Variants in RARS1 observed in about 807,000 individuals in gnomAD.
RARS1 encodes arginine--tRNA ligase, cytoplasmic.
Under a neutral mutation model 78.7 loss-of-function variants are expected in RARS1, and 75 were observed. That is an observed-to-expected ratio of 0.95 (90% CI 0.79 to 1.15). The LOEUF (loss-of-function observed/expected upper bound fraction) is 1.15, where lower values mean the gene tolerates loss of function less well. RARS1 is among the 50% of genes most tolerant of loss of function. RARS1 has a pLI of 0.00. For missense variants in RARS1, 787 were observed against 787.5 expected, an observed-to-expected ratio of 1.00 and a Z score of 0.01; for synonymous variants, 273 against 268.2, an observed-to-expected ratio of 1.02 and a Z score of -0.18.
At chr5:168,504,057 T>C (rs952738188) in intron 9 of RARS1, among the ~76,000 whole-genome samples, 1 of 114,902 alleles carries the variant, frequency 8.7e-6, no homozygotes, top group Non-Finnish European at 1.7e-5. Context: ...TGAGGCCCTG[T>C]CTCTGAAAAA....
chr5:168,486,521 G>C lies in RARS1; in HGVS notation c.23G>C (p.Cys8Ser). 1.3e-6 allele frequency: 2 copies of C among 1,558,876 alleles called. No individual in the cohort carries two copies. The highest frequency in any genetic ancestry group is 1.4e-5 in the African/African-American group (1 of 74,052). Residue 8 changes from cysteine (C) to serine (S), a missense_variant, in exon 1 of 15, where the codon TGC becomes TCC. Physicochemically the swap from Cys to Ser is moderately radical, Grantham distance 112. Transcript: ENST00000231572. ...AGGATGGACGTACTGGTGTCTGAGTGCTCCGCGCGGCTGCTGCAGCAGGTT... is the reference window on the plus strand; with the variant it reads ...AGGATGGACGTACTGGTGTCTGAGTCCTCCGCGCGGCTGCTGCAGCAGGTT... MDVLVSE[C>S]SARLLQQEEE...
At chr5:168,504,157 GGATCACTT>G (rs1426468292) in intron 9 of RARS1, among the ~76,000 whole-genome samples, 2 of 151,970 alleles carry the variant, frequency 1.3e-5, no homozygotes, top group East Asian at 3.9e-4. Flanking sequence ...TGAGGTGGGA[GGATCACTT>G]GAGTCCAGGA....
rs1344780369 is a variant in RARS1 at position 168,506,048 on chromosome 5, A to C, written c.1085A>C (p.Lys362Thr). Residue 362 changes from lysine to threonine, a missense_variant, in exon 10 of 15, where the codon AAG becomes ACG. Lys to Thr is a moderately conservative substitution (Grantham distance 78). Transcript: ENST00000231572. ...TTTGTGCAGGTGGATGATGGCAGAA[A>C]GATTGTATTTGTCCCAGGGTGTTCC... ...RGFVQVDDGR[K>T]IVFVPGCSIP... The C allele has an allele frequency of 6.2e-7, 1 of 1,605,238 alleles. No individual in the cohort carries two copies. The highest frequency in any genetic ancestry group is 8.5e-7 in the Non-Finnish European group (1 of 1,176,970).
intron 7 of RARS1, among the ~76,000 whole-genome samples, chr5:168,499,189 T>C (rs531056498): frequency 2.6e-5 from 4 of 151,810 alleles, no homozygotes; most frequent in African/African-American, 9.7e-5. Flanking sequence ...CACACTCCTG[T>C]AGTTCCAGCT....
At chr5:168,493,702 A>G (rs1455940400) in intron 3 of RARS1, among the ~76,000 whole-genome samples, 192 bp from the exon 4 acceptor site, 1 of 151,506 alleles carries the variant, frequency 6.6e-6, no homozygotes, top group Non-Finnish European at 1.5e-5. Context: ...GAGATCATGT[A>G]GTGTGGGCAC....
intron 6 of RARS1, among the ~76,000 whole-genome samples, chr5:168,496,295 C>A (rs1188721859): frequency 6.7e-6 from 1 of 149,906 alleles, no homozygotes; most frequent in Non-Finnish European, 1.5e-5. Context: ...AGGAGAATTG[C>A]TTGAACCTGG....
intron 1 of RARS1, among the ~76,000 whole-genome samples, chr5:168,487,782 T>C (rs1045304410): frequency 6.6e-6 from 1 of 152,178 alleles, no homozygotes; most frequent in Non-Finnish European, 1.5e-5. Context: ...TGTCTTTAGT[T>C]TTAGATGTTA....
Position 168,495,425 on chromosome 5 carries a change from T to A in RARS1, c.690T>A (p.Tyr230Ter). ...GCCGCCTCTTTGAATTTGCAGGGTA[T>A]GACGTGCTCAGGTATGTGCTCTTGC... ...SISRLFEFAG[Y>*]DVLRLNHVGD... Residue 230 changes from tyrosine to a stop codon, truncating the protein, a stop_gained, in exon 6 of 15, where the codon TAT (tyrosine) becomes TAA (stop). Transcript: ENST00000231572. LOFTEE classifies it high-confidence loss of function. 1 of 1,613,732 alleles carries A rather than the reference T, an allele frequency of 6.2e-7. No homozygotes were observed. Among genetic ancestry groups the A allele is most frequent in the African/African-American group, 1.3e-5 (1 of 75,040 alleles).
chr5:168,505,897 C>T, intron 9 of RARS1, 124 bp from the exon 10 acceptor site: 1 of 871,528 alleles, frequency 1.1e-6, no homozygotes, highest in Non-Finnish European at 1.7e-6. Flanking sequence ...TTCTTTAGCT[C>T]TCTAATAAAT....
Position 168,493,940 on chromosome 5 carries a change from A to C in RARS1, c.416A>C (p.Glu139Ala). 3 of 1,613,800 alleles carry C rather than the reference A, an allele frequency of 1.9e-6. No individual in the cohort carries two copies. Among genetic ancestry groups the C allele is most frequent in the Non-Finnish European group, 2.5e-6 (3 of 1,179,698 alleles). ...AAAGTTAATCCAAGAGAAATTGCTG[A>C]AAACATTACCAAACACCTCCCAGAC... ...EQKVNPREIAENITKHLPDNE... is the reference protein window; with the variant it reads ...EQKVNPREIAANITKHLPDNE... Residue 139 changes from glutamate to alanine, a missense_variant, in exon 4 of 15, where the codon GAA becomes GCA. Glu to Ala is a moderately radical substitution (Grantham distance 107, BLOSUM62 -1). Coordinates refer to ENST00000231572, the MANE Select transcript of RARS1 (RefSeq NM_002887.4).
chr5:168,518,961 A>G (rs1444289789), intron 14 of RARS1, 120 bp from the exon 15 acceptor site: 16 of 680,420 alleles, frequency 2.4e-5, no homozygotes, highest in Non-Finnish European at 3.9e-5. Flanking sequence ...TTAAAACCCA[A>G]AAACATCTGT....
rs376710854 is a variant in RARS1, at chr5:168,494,626, A to G, written c.555A>G (p.Leu185=). Residue 185 remains leucine, a synonymous_variant, in exon 5 of 15, where the codon CTA becomes CTG. Transcript: ENST00000231572. The part of the protein sequence containing the change: ...LTSLLVNGVQ[L]PALGENKKVI... The stretch of plus-strand genomic sequence containing the variant: ...GTCTTCTAGTGAATGGAGTTCAACT[A>G]CCTGCTCTGGGAGAGAATAAAAAGG... 6.2e-7 allele frequency: 1 copy of G among 1,602,154 alleles called. No homozygotes were observed. The highest frequency in any genetic ancestry group is 8.6e-7 in the Non-Finnish European group (1 of 1,169,236).
In RARS1 at chr5:168,488,660, T is replaced by C. The variant is rs776864941; in HGVS notation, c.104T>C (p.Leu35Ser). The C allele has an allele frequency of 2.5e-6, 4 of 1,612,862 alleles. No homozygotes were observed. The highest frequency in any genetic ancestry group is 1.7e-5 in the Admixed American group (1 of 59,648). ...EIDRLKNCGC[L>S]GASPNLEQLQ... ...GACCGGTTGAAAAACTGTGGCTGTT[T>C]AGGAGCTTCTCCAAATTTGGAGCAG... The change falls in exon 2 of 15, where the codon TTA (leucine) becomes TCA (serine). Residue 35 changes from leucine (L) to serine (S), a missense_variant. Coordinates refer to ENST00000231572, the MANE Select transcript of RARS1 (RefSeq NM_002887.4).
At chr5:168,515,342 A>G (rs1266924788) in intron 12 of RARS1, among the ~76,000 whole-genome samples, 2 of 151,886 alleles carry the variant, frequency 1.3e-5, no homozygotes, top group African/African-American at 2.4e-5. Context: ...CCCACAAGAG[A>G]TAGGGGTCTA....
At chr5:168,509,029 A>T (rs1422276350) in intron 11 of RARS1, among the ~76,000 whole-genome samples, 12 of 152,212 alleles carry the variant, frequency 7.9e-5, no homozygotes, top group Admixed American at 6.5e-4. Context: ...TCAGATACGC[A>T]TCCCTCATTG....
At chr5:168,513,403 TC>T (rs796987206) in intron 12 of RARS1, among the ~76,000 whole-genome samples, 4 of 151,828 alleles carry the variant, frequency 2.6e-5, no homozygotes, top group African/African-American at 9.7e-5. Flanking sequence ...CACTGCAACC[TC>T]CGTCTCCCGG....
intron 11 of RARS1, among the ~76,000 whole-genome samples, chr5:168,509,384 C>T (rs907531348): frequency 1.3e-5 from 2 of 149,750 alleles, no homozygotes; most frequent in African/African-American, 4.9e-5. Flanking sequence ...CATTTTGGTA[C>T]TCTTTGTGTT....
intron 9 of RARS1, among the ~76,000 whole-genome samples, chr5:168,504,696 G>C (rs1377401001): frequency 1.3e-5 from 2 of 148,736 alleles, no homozygotes; most frequent in Admixed American, 6.7e-5. Flanking sequence ...GTGTTGGCAG[G>C]TGCCTGTATT....
intron 12 of RARS1, among the ~76,000 whole-genome samples, chr5:168,514,775 A>G (rs1271766529): frequency 6.6e-6 from 1 of 152,250 alleles, no homozygotes; most frequent in Non-Finnish European, 1.5e-5. Context: ...CCAGTCCAGG[A>G]TAACATGTTA....
Sources: allele counts gnomAD v4.1 joint callset (sites outside exome capture counted in the v4.1 genomes callset), GRCh38; gene constraint gnomAD v4.1.1; transcripts MANE v1.5; gene names NCBI Gene and HGNC (gene_info 2026-07-23, HGNC 2026-07-21).